The following LRRTM4 variants were observed in gnomAD, a reference collection of about 807,000 sequenced individuals.
LRRTM4 encodes the protein leucine-rich repeat transmembrane neuronal protein 4.
Under a neutral mutation model 47.6 loss-of-function variants are expected in LRRTM4, and 25 were observed. The observed-to-expected ratio is 0.53, with a 90% confidence interval of 0.38 to 0.73. The LOEUF (loss-of-function observed/expected upper bound fraction) is 0.73. LRRTM4 is among the 30% of genes least tolerant of loss of function. The pLI, the probability that LRRTM4 is intolerant of heterozygous loss-of-function variation, is 0.00. For synonymous variants in LRRTM4, 311 were observed against 269.5 expected (o/e 1.15, Z -1.51); for missense variants, 638 against 713.4 (o/e 0.89, Z 1.20).
chr2:76,937,809 G>A (rs76939275), intron 3 of LRRTM4, among the ~76,000 whole-genome samples: 8,823 of 151,960 alleles, frequency 0.058, 607 homozygotes, highest in African/African-American at 0.15. Flanking sequence ...CTCGTGATCC[G>A]CCCACCTCAG....
At chr2:76,862,610 G>T (rs959417775) in intron 3 of LRRTM4, among the ~76,000 whole-genome samples, 2 of 152,164 alleles carry the variant, frequency 1.3e-5, no homozygotes, top group South Asian at 2.1e-4. Flanking sequence ...CTTTGAGGAG[G>T]AGGGAAAATA....
chr2:77,328,369 T>C (rs1427913769), intron 3 of LRRTM4, among the ~76,000 whole-genome samples: 1 of 152,176 alleles, frequency 6.6e-6, no homozygotes, highest in African/African-American at 2.4e-5. Context: ...GAGAGTTCAC[T>C]GATTTTTCCA....
At chr2:77,069,359 A>G (rs1344410618) in intron 3 of LRRTM4, among the ~76,000 whole-genome samples, 1 of 151,840 alleles carries the variant, frequency 6.6e-6, no homozygotes, top group Non-Finnish European at 1.5e-5. Flanking sequence ...TCTTGGATAT[A>G]TACCTAGAAG....
chr2:77,275,195 C>T (rs553180827), intron 3 of LRRTM4, among the ~76,000 whole-genome samples: 5 of 152,228 alleles, frequency 3.3e-5, no homozygotes, highest in South Asian at 4.1e-4. Flanking sequence ...ATTTCTCTGT[C>T]CCACACTTTT....
chr2:77,180,082 A>T (rs1331498366), intron 3 of LRRTM4, among the ~76,000 whole-genome samples: 1 of 152,196 alleles, frequency 6.6e-6, no homozygotes, highest in Non-Finnish European at 1.5e-5. Context: ...TTGGATATCA[A>T]TGTATAAGAA....
rs141548361 is a variant in LRRTM4, at chr2:76,919,065, T to A, written c.1552-170149A>T. On this transcript the variant is annotated intron_variant, in intron 3 of 3. Coordinates refer to ENST00000409884, the MANE Select transcript of LRRTM4 (RefSeq NM_001134745.3). ...GTGCCAGATTCTAGGTAATCTTTCC[T>A]CGAAGAGTCACACAGACATTCTTAA... 4.7e-3 allele frequency among the ~76,000 whole-genome samples: 710 copies of A among 152,262 alleles called. 4 individuals are homozygous for A. Among genetic ancestry groups the A allele is most frequent in the African/African-American group, 0.016 (676 of 41,558 alleles).
intron 3 of LRRTM4, among the ~76,000 whole-genome samples, chr2:76,799,817 C>G (rs1297199394): frequency 7.1e-6 from 1 of 141,806 alleles, no homozygotes; most frequent in Non-Finnish European, 1.5e-5. Flanking sequence ...AACAGACAAA[C>G]AGAGAGCCAA....
At chr2:77,221,034 G>C (rs10177951) in intron 3 of LRRTM4, among the ~76,000 whole-genome samples, 1 of 152,062 alleles carries the variant, frequency 6.6e-6, no homozygotes, top group African/African-American at 2.4e-5. Context: ...AGCCAGAAGA[G>C]AGTGGGGGCC....
chr2:77,203,293 A>G (rs940599700), intron 3 of LRRTM4, among the ~76,000 whole-genome samples: 4 of 152,094 alleles, frequency 2.6e-5, no homozygotes, highest in Non-Finnish European at 4.4e-5. Context: ...GGCAAAAACA[A>G]GCGTCCAAAC....
intron 3 of LRRTM4, among the ~76,000 whole-genome samples, chr2:77,334,767 T>C (rs1671100381): frequency 6.6e-6 from 1 of 152,216 alleles, no homozygotes; most frequent in African/African-American, 2.4e-5. Context: ...CCATCCTTCT[T>C]GTAGCATGGT....
chr2:77,282,444 C>A (rs1676531431), intron 3 of LRRTM4, among the ~76,000 whole-genome samples: 1 of 151,038 alleles, frequency 6.6e-6, no homozygotes, highest in Admixed American at 6.6e-5. Flanking sequence ...TTATTTTTTT[C>A]TTTTCCCTGA....
At chr2:77,308,884 G>T (rs1051432067) in intron 3 of LRRTM4, among the ~76,000 whole-genome samples, 22 of 151,984 alleles carry the variant, frequency 1.4e-4, no homozygotes, top group African/African-American at 5.3e-4. Context: ...CAAACTCCAC[G>T]TCTCTGTAGA....
At chr2:77,006,546 T>C (rs1178581103) in intron 3 of LRRTM4, among the ~76,000 whole-genome samples, 1 of 152,118 alleles carries the variant, frequency 6.6e-6, no homozygotes, top group Non-Finnish European at 1.5e-5. Flanking sequence ...AATGCAGCAT[T>C]CTGAGGTATA....
chr2:77,345,474 GA>G (rs750772414), intron 3 of LRRTM4, among the ~76,000 whole-genome samples: 1 of 151,746 alleles, frequency 6.6e-6, no homozygotes, highest in African/African-American at 2.4e-5. Flanking sequence ...AGTCCAACAG[GA>G]AAAAATAGAC....
chr2:76,864,011 TCAAA>T (rs1259006319), intron 3 of LRRTM4, among the ~76,000 whole-genome samples: 1 of 152,040 alleles, frequency 6.6e-6, no homozygotes, highest in Non-Finnish European at 1.5e-5. Context: ...CAGAGGAAAA[TCAAA>T]CAAAATACAT....
chr2:77,041,609 G>A (rs1055408228), intron 3 of LRRTM4, among the ~76,000 whole-genome samples: 15 of 151,344 alleles, frequency 9.9e-5, no homozygotes, highest in Admixed American at 8.6e-4. Context: ...TCTAGCTAGA[G>A]TGAGATGCTA....
At chr2:77,444,227 T>C (rs1310893785) in intron 3 of LRRTM4, among the ~76,000 whole-genome samples, 1 of 152,134 alleles carries the variant, frequency 6.6e-6, no homozygotes, top group Non-Finnish European at 1.5e-5. Flanking sequence ...CATGGATAGA[T>C]ACCGAATATA....
intron 3 of LRRTM4, among the ~76,000 whole-genome samples, chr2:77,020,212 T>C (rs1254943469): frequency 6.6e-6 from 1 of 151,990 alleles, no homozygotes; most frequent in Non-Finnish European, 1.5e-5. Context: ...ACTCTTTTGG[T>C]TTGGAAAAAT....
intron 3 of LRRTM4, among the ~76,000 whole-genome samples, chr2:77,089,319 C>T (rs1464927419): frequency 2.0e-5 from 3 of 151,732 alleles, no homozygotes; most frequent in African/African-American, 7.3e-5. Context: ...TACCAAGTCC[C>T]ACTTTTCTAG....
Sources: allele counts gnomAD v4.1 joint callset (sites outside exome capture counted in the v4.1 genomes callset), GRCh38; gene constraint gnomAD v4.1.1; transcripts MANE v1.5; gene names NCBI Gene and HGNC (gene_info 2026-07-23, HGNC 2026-07-21).